The following CDH19 variants were observed in gnomAD, a reference collection of about 807,000 sequenced individuals.
CDH19 encodes the protein cadherin-19.
CDH19 carries 67 observed loss-of-function variants against 64.2 expected under a neutral mutation model. The observed-to-expected ratio is 1.04, with a 90% CI of 0.86 to 1.28. The LOEUF (loss-of-function observed/expected upper bound fraction) is 1.28, where lower values mean the gene tolerates loss of function less well. Among genes scored for constraint, CDH19 ranks in the 50% most tolerant of loss-of-function variants. The pLI, the probability that CDH19 is intolerant of heterozygous loss-of-function variation, is 0.00. For synonymous variants in CDH19, 346 were observed against 319.3 expected, an observed-to-expected ratio of 1.08 and a Z score of -0.89; for missense variants, 1,030 against 929.0, an observed-to-expected ratio of 1.11 and a Z score of -1.41.
chr18:66,589,576 T>A (rs1988683077), intron 1 of CDH19, among the ~76,000 whole-genome samples: 1 of 151,902 alleles, frequency 6.6e-6, no homozygotes, highest in African/African-American at 2.4e-5. Flanking sequence ...TTTCAGCACA[T>A]CTCTCTATAA....
At chr18:66,548,086 T>C (rs1017202755) in intron 5 of CDH19, among the ~76,000 whole-genome samples, 1 of 146,928 alleles carries the variant, frequency 6.8e-6, no homozygotes, top group Non-Finnish European at 1.5e-5. Flanking sequence ...TATATATAAA[T>C]ATATTATATA....
chr18:66,556,432 C>G (rs1004338671), intron 3 of CDH19, among the ~76,000 whole-genome samples: 2 of 151,630 alleles, frequency 1.3e-5, no homozygotes, highest in African/African-American at 4.8e-5. Flanking sequence ...CATTTCCTCC[C>G]TCTTCATATC....
rs753124384 is a variant in CDH19 at position 66,568,518 on chromosome 18, G to T, written c.388C>A (p.Pro130Thr). The T allele has an allele frequency of 5.6e-6, 9 of 1,612,174 alleles. No individual in the cohort carries two copies. The highest frequency in any genetic ancestry group is 1.6e-4 in the Middle Eastern group (1 of 6,076). ...ACTTTGATGACAAACTCAGACTCAG[G>T]TTCCACAGCCCTTCCAGTAGCGATG... The part of the protein sequence containing the change: ...IDIATGRAVE[P>T]ESEFVIKVSD... Residue 130 changes from proline (P) to threonine (T), a missense_variant, in exon 3 of 12, where the codon CCT (proline) becomes ACT (threonine). Physicochemically the swap from Pro to Thr is conservative, Grantham distance 38. Transcript: ENST00000262150.
intron 3 of CDH19, among the ~76,000 whole-genome samples, chr18:66,559,409 G>A (rs928018373): frequency 4.5e-4 from 68 of 151,768 alleles, no homozygotes; most frequent in Admixed American, 5.9e-4. Flanking sequence ...AGAAAAAAAT[G>A]TTTTTCTGTC....
At chr18:66,583,070 G>A (rs1055333422) in intron 1 of CDH19, among the ~76,000 whole-genome samples, 8 of 151,998 alleles carry the variant, frequency 5.3e-5, no homozygotes, top group African/African-American at 1.9e-4. Context: ...GTATGCTCCT[G>A]TATTGAAGAT....
intron 3 of CDH19, among the ~76,000 whole-genome samples, chr18:66,558,156 T>G (rs570215): frequency 6.8e-6 from 1 of 147,964 alleles, no homozygotes; most frequent in Non-Finnish European, 1.5e-5. Flanking sequence ...TCATATATCT[T>G]TATCTCATAT....
chr18:66,546,933 A>C (rs745463143), intron 5 of CDH19, among the ~76,000 whole-genome samples: 1 of 152,240 alleles, frequency 6.6e-6, no homozygotes, highest in Admixed American at 6.5e-5. Flanking sequence ...AGGACTGGAC[A>C]ATGGCAGATT....
At chr18:66,570,352 C>A (rs959653588) in intron 2 of CDH19, among the ~76,000 whole-genome samples, 1 of 151,626 alleles carries the variant, frequency 6.6e-6, no homozygotes, top group Admixed American at 6.6e-5. Context: ...GAACACCAGC[C>A]TTTTAATGTC....
intron 1 of CDH19, among the ~76,000 whole-genome samples, chr18:66,576,987 T>C (rs1042988960): frequency 2.6e-5 from 4 of 151,556 alleles, no homozygotes; most frequent in Non-Finnish European, 5.9e-5. Context: ...ATTCAAAGAT[T>C]GGGACATAAA....
At chr18:66,513,646 T>C (rs1985598401) in intron 9 of CDH19, among the ~76,000 whole-genome samples, 1 of 151,440 alleles carries the variant, frequency 6.6e-6, no homozygotes, top group Non-Finnish European at 1.5e-5. Context: ...AAAATAAAAT[T>C]ATAAGAAAAA....
intron 11 of CDH19, among the ~76,000 whole-genome samples, chr18:66,506,616 A>G (rs978614771): frequency 6.6e-6 from 1 of 151,908 alleles, no homozygotes; most frequent in Non-Finnish European, 1.5e-5. Context: ...AACATCATGT[A>G]GAAACAGAAA....
At chr18:66,535,517 T>C (rs1252361215) in intron 7 of CDH19, among the ~76,000 whole-genome samples, 1 of 150,576 alleles carries the variant, frequency 6.6e-6, no homozygotes, top group South Asian at 2.1e-4. Flanking sequence ...GTAAATTTGA[T>C]AAAAAGTAAA....
intron 11 of CDH19, among the ~76,000 whole-genome samples, chr18:66,508,105 A>AATG (rs1328014565): frequency 6.6e-6 from 1 of 151,892 alleles, no homozygotes; most frequent in Non-Finnish European, 1.5e-5. Context: ...AACATAGATA[A>AATG]AACTAGATAA....
At chr18:66,549,879 C>T (rs1443941182) in intron 5 of CDH19, among the ~76,000 whole-genome samples, 1 of 151,910 alleles carries the variant, frequency 6.6e-6, no homozygotes, top group Non-Finnish European at 1.5e-5. Flanking sequence ...ATGCCAACTT[C>T]CTGTGCTTAT....
At chr18:66,538,458 T>C (rs1478651911) in intron 7 of CDH19, among the ~76,000 whole-genome samples, 1 of 152,082 alleles carries the variant, frequency 6.6e-6, no homozygotes, top group Non-Finnish European at 1.5e-5. Flanking sequence ...CCTCCTTTCC[T>C]TTGTCATATC....
chr18:66,543,838 G>T, intron 7 of CDH19, 133 bp downstream of exon 7: 1 of 635,412 alleles, frequency 1.6e-6, no homozygotes, highest in Non-Finnish European at 2.6e-6. Flanking sequence ...AGCTGAGATT[G>T]CGCCACTGTA....
chr18:66,575,001 C>G (rs760515627), intron 1 of CDH19, among the ~76,000 whole-genome samples: 1 of 151,762 alleles, frequency 6.6e-6, no homozygotes, highest in Admixed American at 6.6e-5. Context: ...GGTATTGGAA[C>G]AGCTAATCCA....
Position 66,503,097 on chromosome 18 carries a change from A to C in CDH19, c.*1715T>G, listed in dbSNP as rs942776771. Reference sequence around the variant, plus strand: ...AGTCTCACATGCTATTAATAAAAAAATGATCATATGAACCAATTTTAAGAA... The same window carrying C: ...AGTCTCACATGCTATTAATAAAAAACTGATCATATGAACCAATTTTAAGAA... On this transcript the variant is annotated 3_prime_UTR_variant, in exon 12 of 12. Transcript: ENST00000262150. 6.6e-6 allele frequency: 1 copy of C among 151,940 alleles called. No individual in the cohort carries two copies. The highest frequency in any genetic ancestry group is 1.5e-5 in the Non-Finnish European group (1 of 67,860). The allele number at this position is 151,940 out of a possible 1,614,324, so 9.4% of individuals were successfully genotyped here.
At chr18:66,510,724 G>A (rs1985441901) in intron 10 of CDH19, among the ~76,000 whole-genome samples, 1 of 151,018 alleles carries the variant, frequency 6.6e-6, no homozygotes, top group African/African-American at 2.4e-5. Context: ...GATATTTGTG[G>A]TTTTTGTCTG....
Sources: allele counts gnomAD v4.1 joint callset (sites outside exome capture counted in the v4.1 genomes callset), GRCh38; gene constraint gnomAD v4.1.1; transcripts MANE v1.5; gene names NCBI Gene and HGNC (gene_info 2026-07-23, HGNC 2026-07-21).